The following AUTS2 variants were observed in gnomAD, a reference collection of about 807,000 sequenced individuals.
AUTS2 encodes the protein activator of transcription and developmental regulator AUTS2.
AUTS2 carries 17 observed loss-of-function variants against 112.4 expected under a neutral mutation model. The ratio of observed to expected loss-of-function variants is 0.15; its 90% CI spans 0.10 to 0.23. The LOEUF (loss-of-function observed/expected upper bound fraction) is 0.23. Among genes scored for constraint, AUTS2 ranks in the 10% least tolerant of loss-of-function variants. AUTS2 has a pLI of 1.00. For missense variants in AUTS2, 1,510 were observed against 1,701.6 expected (o/e 0.89, Z 1.98); for synonymous variants, 751 against 702.7 (o/e 1.07, Z -1.09).
intron 2 of AUTS2, among the ~76,000 whole-genome samples, chr7:69,938,900 T>C (rs766380359): frequency 6.6e-6 from 1 of 152,150 alleles, no homozygotes; most frequent in Non-Finnish European, 1.5e-5. Flanking sequence ...TAAGGAATGG[T>C]GACTTGGGAA....
intron 5 of AUTS2, among the ~76,000 whole-genome samples, chr7:70,531,215 A>G (rs1262067873): frequency 1.3e-5 from 2 of 152,270 alleles, no homozygotes; most frequent in African/African-American, 4.8e-5. Context: ...AGGCCAGTAT[A>G]TGCACATTTC....
chr7:70,173,740 A>G (rs1173263018), intron 4 of AUTS2, among the ~76,000 whole-genome samples: 2 of 152,100 alleles, frequency 1.3e-5, no homozygotes, highest in African/African-American at 4.8e-5. Flanking sequence ...AAACTTTTTT[A>G]TTATAATTAT....
intron 4 of AUTS2, among the ~76,000 whole-genome samples, chr7:70,424,709 C>G (rs1024362646): frequency 6.6e-6 from 1 of 152,118 alleles, no homozygotes; most frequent in Non-Finnish European, 1.5e-5. Context: ...ACATCAGCCT[C>G]CCAGGTAGCT....
intron 4 of AUTS2, among the ~76,000 whole-genome samples, chr7:70,345,550 C>T (rs1398725124): frequency 6.6e-6 from 1 of 152,178 alleles, no homozygotes; most frequent in African/African-American, 2.4e-5. Flanking sequence ...GGCAGTTTCA[C>T]AATTTTGAAG....
chr7:70,760,454 G>C (rs1789500812), intron 6 of AUTS2, among the ~76,000 whole-genome samples: 1 of 152,196 alleles, frequency 6.6e-6, no homozygotes, highest in African/African-American at 2.4e-5. Context: ...AGGATTTCTG[G>C]GCTGTTCTTA....
At chr7:70,617,489 C>T (rs1306919385) in intron 5 of AUTS2, among the ~76,000 whole-genome samples, 7 of 152,064 alleles carry the variant, frequency 4.6e-5, no homozygotes, top group African/African-American at 7.2e-5. Flanking sequence ...GGTGAAACCC[C>T]GTTTCTACCA....
At chr7:70,722,770 T>C (rs73443090) in intron 6 of AUTS2, among the ~76,000 whole-genome samples, 2,650 of 152,290 alleles carry the variant, frequency 0.017, 65 homozygotes, top group African/African-American at 0.06. Flanking sequence ...TAGAAAATCC[T>C]GTCCCTTTCA....
intron 1 of AUTS2, among the ~76,000 whole-genome samples, chr7:69,736,654 G>T (rs971065039): frequency 1.3e-5 from 2 of 152,206 alleles, no homozygotes; most frequent in African/African-American, 4.8e-5. Context: ...TAAGCAGGCT[G>T]TAAGTCAGCA....
intron 2 of AUTS2, among the ~76,000 whole-genome samples, chr7:70,104,247 T>G (rs1321995487): frequency 6.6e-6 from 1 of 152,038 alleles, no homozygotes; most frequent in South Asian, 2.1e-4. Context: ...TGGCATAAGT[T>G]GTTTTTTCTT....
chr7:70,601,005 T>C (rs1228986745), intron 5 of AUTS2, among the ~76,000 whole-genome samples: 2 of 152,260 alleles, frequency 1.3e-5, no homozygotes, highest in African/African-American at 4.8e-5. Context: ...AGTTTCTGTA[T>C]GGACATATTT....
chr7:70,506,109 A>G (rs1450509700), intron 5 of AUTS2, among the ~76,000 whole-genome samples: 1 of 152,158 alleles, frequency 6.6e-6, no homozygotes, highest in East Asian at 1.9e-4. Flanking sequence ...TGAGCCAAGC[A>G]TGATCCCTGG....
At chr7:70,169,512 A>G (rs1808561312) in intron 4 of AUTS2, among the ~76,000 whole-genome samples, 1 of 152,168 alleles carries the variant, frequency 6.6e-6, no homozygotes, top group African/African-American at 2.4e-5. Context: ...AAGTGCTGGG[A>G]TTACAGGCAT....
chr7:69,963,296 A>G (rs1797503491), intron 2 of AUTS2, among the ~76,000 whole-genome samples: 1 of 152,158 alleles, frequency 6.6e-6, no homozygotes, highest in Non-Finnish European at 1.5e-5. Context: ...TCCAGAAAAC[A>G]TTAAAGATAA....
chr7:70,272,899 G>C (rs562686720), intron 4 of AUTS2, among the ~76,000 whole-genome samples: 2 of 152,226 alleles, frequency 1.3e-5, no homozygotes, highest in South Asian at 4.2e-4. Flanking sequence ...CTGTGACAGA[G>C]AATTGCTTGA....
intron 2 of AUTS2, among the ~76,000 whole-genome samples, chr7:70,028,355 A>G (rs534657369): frequency 6.6e-6 from 1 of 152,322 alleles, no homozygotes; most frequent in Admixed American, 6.5e-5. Flanking sequence ...TCCCAGTGGG[A>G]CAGAACCTGG....
chr7:70,422,823 C>A (rs951461266), intron 4 of AUTS2, among the ~76,000 whole-genome samples: 1 of 152,138 alleles, frequency 6.6e-6, no homozygotes, highest in Non-Finnish European at 1.5e-5. Flanking sequence ...CATTCAGACA[C>A]CTACCACACT....
rs372351952 is a variant in AUTS2 at position 70,298,176 on chromosome 7, C to T, written c.661-137576C>T. On this transcript the variant is annotated intron_variant, in intron 4 of 18. Coordinates refer to ENST00000342771, the MANE Select transcript of AUTS2 (RefSeq NM_015570.4). ...CCTCCCGAGTAGCTGGGATTACAGGCGGCCACCACCACGCCCAGCTAGTTT... is the reference window on the plus strand; with the variant it reads ...CCTCCCGAGTAGCTGGGATTACAGGTGGCCACCACCACGCCCAGCTAGTTT... Among the ~76,000 whole-genome samples, 123 of 152,038 alleles carry T rather than the reference C, an allele frequency of 8.1e-4. No homozygotes were observed. In the Middle Eastern group the frequency reaches 0.01, roughly 13 times the overall value.
At position 70,668,714 on chromosome 7, in the gene AUTS2, T is replaced by C. The variant is rs572066293; in HGVS notation, c.691-29855T>C. 3.3e-4 allele frequency among the ~76,000 whole-genome samples: 51 copies of C among 152,292 alleles called. No individual in the cohort carries two copies. The South Asian group carries it at 4.4e-3, about 13-fold the overall frequency. Reference sequence around the variant, plus strand: ...CGTTAGGCAGTTAACAGGACAAATATAATTTCTGGGCCACAAGGCCAGTCT... The same window carrying C: ...CGTTAGGCAGTTAACAGGACAAATACAATTTCTGGGCCACAAGGCCAGTCT... On this transcript the variant is annotated intron_variant, in intron 5 of 18. Coordinates refer to ENST00000342771, the MANE Select transcript of AUTS2 (RefSeq NM_015570.4).
intron 3 of AUTS2, among the ~76,000 whole-genome samples, chr7:70,134,018 G>A (rs1339613800): frequency 1.3e-5 from 2 of 152,168 alleles, no homozygotes; most frequent in African/African-American, 4.8e-5. Context: ...CCCTGTGTGT[G>A]TACTAACTGA....
Sources: allele counts gnomAD v4.1 joint callset (sites outside exome capture counted in the v4.1 genomes callset), GRCh38; gene constraint gnomAD v4.1.1; transcripts MANE v1.5; gene names NCBI Gene and HGNC (gene_info 2026-07-23, HGNC 2026-07-21).